Variants in NRXN1 observed in about 807,000 individuals in gnomAD.
NRXN1 encodes the protein neurexin 1.
A neutral mutation model predicts 150.9 loss-of-function variants in NRXN1; 39 were observed. That is an observed-to-expected ratio of 0.26 (90% CI 0.20 to 0.34). The LOEUF is 0.34. Ranked by LOEUF, NRXN1 falls within the 10% of genes least tolerant of loss-of-function variation. The probability of loss-of-function intolerance (pLI) is 1.00; values close to 1 mark genes in which losing one functional copy is unlikely to be tolerated. For synonymous variants in NRXN1, 924 were observed against 757.0 expected, an observed-to-expected ratio of 1.22 and a Z score of -3.62; for missense variants, 1,815 against 1,949.9, an observed-to-expected ratio of 0.93 and a Z score of 1.30.
At chr2:50,290,016 C>T (rs543490043) in intron 17 of NRXN1, among the ~76,000 whole-genome samples, 20 of 152,070 alleles carry the variant, frequency 1.3e-4, no homozygotes, top group Non-Finnish European at 2.4e-4. Flanking sequence ...AAATTAGAAT[C>T]CAATTAAGCA....
intron 17 of NRXN1, among the ~76,000 whole-genome samples, chr2:50,443,787 G>T (rs1473539717): frequency 6.6e-6 from 1 of 152,072 alleles, no homozygotes; most frequent in Non-Finnish European, 1.5e-5. Context: ...ACTTATTTGT[G>T]TTCATGGACT....
chr2:50,378,997 C>T (rs548091361), intron 17 of NRXN1, among the ~76,000 whole-genome samples: 1 of 152,198 alleles, frequency 6.6e-6, no homozygotes. Context: ...TTGCCTTGGT[C>T]ATGGGTGTAG....
At chr2:50,832,994 T>A (rs1261303183) in intron 5 of NRXN1, among the ~76,000 whole-genome samples, 1 of 152,100 alleles carries the variant, frequency 6.6e-6, no homozygotes, top group Non-Finnish European at 1.5e-5. Context: ...CAAATCAATT[T>A]AAAAGTGGAC....
chr2:50,166,499 C>T (rs1247874013), intron 18 of NRXN1, among the ~76,000 whole-genome samples: 3 of 152,098 alleles, frequency 2.0e-5, no homozygotes, highest in Non-Finnish European at 4.4e-5. Context: ...AGAGCCCAGT[C>T]AACTGGCTCC....
intron 12 of NRXN1, among the ~76,000 whole-genome samples, chr2:50,507,994 A>G (rs771899639): frequency 8.6e-5 from 13 of 151,304 alleles, no homozygotes; most frequent in Non-Finnish European, 1.6e-4. Context: ...GGAGAAGAAG[A>G]AAAAAAAAGA....
intron 8 of NRXN1, among the ~76,000 whole-genome samples, chr2:50,574,011 A>G (rs922777730): frequency 1.3e-5 from 2 of 152,128 alleles, no homozygotes; most frequent in Non-Finnish European, 2.9e-5. Flanking sequence ...TATAACAAAC[A>G]TATGTCTTGT....
intron 17 of NRXN1, among the ~76,000 whole-genome samples, chr2:50,454,430 A>T (rs759462216): frequency 3.3e-5 from 5 of 152,138 alleles, no homozygotes; most frequent in Non-Finnish European, 5.9e-5. Context: ...TAAATCCATC[A>T]TCTCCCATGA....
intron 5 of NRXN1, among the ~76,000 whole-genome samples, chr2:50,627,561 A>G (rs1225971831): frequency 6.6e-6 from 1 of 150,636 alleles, no homozygotes; most frequent in African/African-American, 2.4e-5. Flanking sequence ...TCAATTCTAC[A>G]TGATGAAGGA....
intron 17 of NRXN1, among the ~76,000 whole-genome samples, chr2:50,329,578 A>T (rs1212714834): frequency 7.6e-4 from 26 of 33,992 alleles, no homozygotes; most frequent in African/African-American, 2.3e-3. Context: ...ATATAACAGT[A>T]GTGTGTGTGT....
rs181009429 is a variant in NRXN1 at position 50,695,269 on chromosome 2, C to T, written c.833-71654G>A. On this transcript the variant is annotated intron_variant, in intron 5 of 22. Transcript: ENST00000401669. ...AGAATATTTTAATTGTATTATTTAC[C>T]GACAAATGTGAGGATTAGATTGTCA... 1.4e-3 allele frequency among the ~76,000 whole-genome samples: 220 copies of T among 151,994 alleles called. No individual in the cohort carries two copies. The Middle Eastern group carries it at 0.021, about 14-fold the overall frequency.
At chr2:50,215,364 A>G (rs1322497430) in intron 18 of NRXN1, among the ~76,000 whole-genome samples, 1 of 152,048 alleles carries the variant, frequency 6.6e-6, no homozygotes, top group African/African-American at 2.4e-5. Context: ...TGTCAGTGCG[A>G]TTCTTAAAGC....
intron 22 of NRXN1, among the ~76,000 whole-genome samples, chr2:49,931,243 T>C (rs1038749913): frequency 8.5e-5 from 13 of 152,202 alleles, no homozygotes; most frequent in Non-Finnish European, 1.3e-4. Flanking sequence ...ACCTTTGTAA[T>C]ATCTGCAGTA....
chr2:50,864,597 G>A (rs1676606163), intron 5 of NRXN1, among the ~76,000 whole-genome samples: 1 of 151,920 alleles, frequency 6.6e-6, no homozygotes, highest in Non-Finnish European at 1.5e-5. Context: ...AATCTATGTA[G>A]AACCCACAAC....
intron 15 of NRXN1, among the ~76,000 whole-genome samples, chr2:50,491,040 G>C (rs996794327): frequency 6.6e-6 from 1 of 152,028 alleles, no homozygotes; most frequent in African/African-American, 2.4e-5. Flanking sequence ...TCCACTTCCG[G>C]TGCCATATCC....
Position 50,407,561 on chromosome 2 carries a change from G to C in NRXN1, c.3364+57881C>G, listed in dbSNP as rs557570858. ...ATATTGAGTAGTGGGGCTTTTAAGA[G>C]GTGATTGGGTCATGAGGGCTGTCCC... On this transcript the variant is annotated intron_variant, in intron 17 of 22. Transcript: ENST00000401669. 4.6e-5 allele frequency among the ~76,000 whole-genome samples: 7 copies of C among 152,140 alleles called. No individual in the cohort carries two copies. The East Asian group carries it at 1.4e-3, about 29-fold the overall frequency.
chr2:50,808,153 G>A (rs962819744), intron 5 of NRXN1, among the ~76,000 whole-genome samples: 1 of 152,070 alleles, frequency 6.6e-6, no homozygotes, highest in African/African-American at 2.4e-5. Context: ...GTTAGTGAAA[G>A]TAAGAAGTAC....
chr2:49,988,483 A>G (rs578041410), intron 21 of NRXN1, among the ~76,000 whole-genome samples: 1 of 152,206 alleles, frequency 6.6e-6, no homozygotes, highest in Admixed American at 6.5e-5. Context: ...TTTTGCTTTC[A>G]GAAGAGTTTT....
At chr2:50,334,405 T>A (rs1044862832) in intron 17 of NRXN1, among the ~76,000 whole-genome samples, 1 of 152,060 alleles carries the variant, frequency 6.6e-6, no homozygotes, top group Non-Finnish European at 1.5e-5. Context: ...TTTCTGCTCA[T>A]GCTTAATAAG....
At chr2:50,460,503 G>A (rs913625890) in intron 17 of NRXN1, among the ~76,000 whole-genome samples, 3 of 152,030 alleles carry the variant, frequency 2.0e-5, no homozygotes, top group Admixed American at 6.6e-5. Flanking sequence ...TATAGATACA[G>A]ACTGAAACTA....
Sources: allele counts gnomAD v4.1 joint callset (sites outside exome capture counted in the v4.1 genomes callset), GRCh38; gene constraint gnomAD v4.1.1; transcripts MANE v1.5; gene names NCBI Gene and HGNC (gene_info 2026-07-23, HGNC 2026-07-21).